The following ZC3H18 variants were observed in gnomAD, a reference collection of about 807,000 sequenced individuals.
ZC3H18 encodes the protein zinc finger CCCH-type containing 18.
ZC3H18 carries 8 observed loss-of-function variants against 106.1 expected under a neutral mutation model. The ratio of observed to expected loss-of-function variants is 0.08; its 90% CI spans 0.04 to 0.14. The LOEUF is 0.14. ZC3H18 is among the 10% of genes least tolerant of loss of function. The pLI is 1.00. For missense variants in ZC3H18, 1,318 were observed against 1,278.4 expected (o/e 1.03, Z -0.47); for synonymous variants, 635 against 522.1 (o/e 1.22, Z -2.95).
intron 8 of ZC3H18, among the ~76,000 whole-genome samples, chr16:88,612,551 C>G (rs369442057): frequency 2.9e-4 from 44 of 151,226 alleles, no homozygotes; most frequent in East Asian, 9.7e-4. Context: ...GTGGCATGAG[C>G]CTGTGGTCCC....
At position 88,612,521 on chromosome 16, in the gene ZC3H18, T is replaced by C. The variant is rs1380815201; in HGVS notation, c.1475+985T>C. ...TCTATTTAAAAAAAAAAAAAAAAAATTAAAAATTAGCTGGGGGAGGTGGCA... is the reference window on the plus strand; with the variant it reads ...TCTATTTAAAAAAAAAAAAAAAAAACTAAAAATTAGCTGGGGGAGGTGGCA... On this transcript the variant is annotated intron_variant, in intron 8 of 17. Transcript: ENST00000301011. 2.1e-5 allele frequency among the ~76,000 whole-genome samples: 3 copies of C among 143,518 alleles called. No homozygotes were observed. In the East Asian group the frequency reaches 6.0e-4, roughly 29 times the overall value. 94.2% of individuals were successfully genotyped at this position (143,518 alleles called of 152,430 possible). A position where few individuals can be genotyped will look rare whatever the true frequency, so the allele number is the denominator to read the frequency against.
At chr16:88,630,430 C>T (rs1166639522) in intron 16 of ZC3H18, 55 bp from the exon 17 acceptor site, 2 of 1,482,074 alleles carry the variant, frequency 1.3e-6, no homozygotes, top group Non-Finnish European at 1.9e-6. Flanking sequence ...AGGCCACCCA[C>T]ACAGCCATTC....
rs571656868 is a variant in ZC3H18 at position 88,601,104 on chromosome 16, C to T, written c.1088+1156C>T. Among the ~76,000 whole-genome samples the T allele has an allele frequency of 1.1e-4, 16 of 152,376 alleles. No homozygotes were observed. In the East Asian group the frequency reaches 2.3e-3, roughly 22 times the overall value. On this transcript the variant is annotated intron_variant, in intron 6 of 17. Transcript: ENST00000301011. ...CGCGAGCAGGCTACCCTGGGCTTTC[C>T]GCCTGCGGAAGTTGGGGGAGGAAGC...
intron 1 of ZC3H18, among the ~76,000 whole-genome samples, chr16:88,574,093 C>G (rs922166157): frequency 6.6e-6 from 1 of 152,046 alleles, no homozygotes. Context: ...CGGGCTTGTC[C>G]TGAACTCCTG....
chr16:88,581,195 TCTCA>T (rs1294539939), intron 2 of ZC3H18, among the ~76,000 whole-genome samples: 1 of 152,234 alleles, frequency 6.6e-6, no homozygotes. Flanking sequence ...ACAGATGGGG[TCTCA>T]CTATGTTGCC....
Position 88,631,663 on chromosome 16 carries a change from G to A in ZC3H18, c.*364G>A, listed in dbSNP as rs1434116328. 4 of 470,306 alleles carry A rather than the reference G, an allele frequency of 8.5e-6. No individual in the cohort carries two copies. In the East Asian group the frequency reaches 2.6e-4, roughly 30 times the overall value. 29.1% of individuals were successfully genotyped at this position (470,306 alleles called of 1,614,324 possible). A position where few individuals can be genotyped will look rare whatever the true frequency, so the allele number is the denominator to read the frequency against. ...GCTCTGGGTCCCTAGCCCGGGTCCA[G>A]GCAGCCAGGCTCCCTCCTGAGCTGA... On this transcript the variant is annotated 3_prime_UTR_variant, in exon 18 of 18. Coordinates refer to ENST00000301011, the MANE Select transcript of ZC3H18 (RefSeq NM_144604.4).
At chr16:88,589,983 T>C (rs1416963851) in intron 3 of ZC3H18, among the ~76,000 whole-genome samples, 1 of 152,228 alleles carries the variant, frequency 6.6e-6, no homozygotes, top group Non-Finnish European at 1.5e-5. Flanking sequence ...AAAATTCTTT[T>C]CTTAGAAAAA....
At chr16:88,626,853 A>G (rs895423501) in intron 13 of ZC3H18, among the ~76,000 whole-genome samples, 1 of 152,216 alleles carries the variant, frequency 6.6e-6, no homozygotes, top group Non-Finnish European at 1.5e-5. Context: ...AGTGCACGCC[A>G]GTGAAGCTAC....
intron 2 of ZC3H18, 25 bp downstream of exon 2, chr16:88,577,751 G>T (rs747930335): frequency 6.2e-7 from 1 of 1,612,414 alleles, no homozygotes; most frequent in South Asian, 1.1e-5. Flanking sequence ...GCAGAGCGTC[G>T]CGGGGCATCC....
intron 2 of ZC3H18, among the ~76,000 whole-genome samples, chr16:88,580,670 G>A (rs1040189091): frequency 2.6e-5 from 4 of 152,164 alleles, no homozygotes; most frequent in African/African-American, 4.8e-5. Flanking sequence ...CCTGCCCCGC[G>A]CCCTGCTCCC....
chr16:88,631,162 G>A lies in ZC3H18; in HGVS notation c.2725G>A (p.Ala909Thr). Reference sequence around the variant, plus strand: ...CAAGGTCACGAGCGTGCCCGGCAAAGCCTCGGATCCCGGCGCCGCCAGCAC... The same window carrying A: ...CAAGGTCACGAGCGTGCCCGGCAAAACCTCGGATCCCGGCGCCGCCAGCAC... The part of the protein sequence containing the change: ...SSKVTSVPGK[A>T]SDPGAASTKS... Residue 909 changes from alanine (A) to threonine (T), a missense_variant, in exon 18 of 18, where the codon GCC (alanine) becomes ACC (threonine). Around this residue, in one of 6 missense-constraint regions of ZC3H18, gnomAD observed 848 missense variants for 821.7 expected, o/e 1.03. Coordinates refer to ENST00000301011, the MANE Select transcript of ZC3H18 (RefSeq NM_144604.4). The A allele has an allele frequency of 6.2e-7, 1 of 1,613,580 alleles. No homozygotes were observed. The highest frequency in any genetic ancestry group is 8.5e-7 in the Non-Finnish European group (1 of 1,180,028).
At chr16:88,612,988 G>T (rs1025964503) in intron 8 of ZC3H18, among the ~76,000 whole-genome samples, 1 of 152,130 alleles carries the variant, frequency 6.6e-6, no homozygotes, top group African/African-American at 2.4e-5. Context: ...GGGTAATAGA[G>T]CAAGATTCTG....
In ZC3H18 at chr16:88,630,178, C is replaced by T. The variant is rs1418670532; in HGVS notation, c.2567-307C>T. On this transcript the variant is annotated intron_variant, in intron 16 of 17. Coordinates refer to ENST00000301011, the MANE Select transcript of ZC3H18 (RefSeq NM_144604.4). ...TACTGCCATGTCTTTCTTGTTGTTC[C>T]GTATTTGAAGACCCATGTGATAAAT... is the stretch of plus-strand genomic sequence containing the variant. 4.1e-5 allele frequency: 14 copies of T among 338,688 alleles called. 1 individual carries two copies. Among genetic ancestry groups the T allele is most frequent in the Middle Eastern group, 8.4e-4 (1 of 1,186 alleles). The allele number at this position is 338,688 out of a possible 1,614,324, so 21.0% of individuals were successfully genotyped here.
rs1009251443 is a variant in ZC3H18, at chr16:88,570,441, C to A, written c.-140C>A. On this transcript the variant is annotated 5_prime_UTR_variant, in exon 1 of 18. Transcript: ENST00000301011. ...GGCCGGCCCCCGCGGGTAGTGGAGC[C>A]CGTTTGTTCCGCCCGTGTCGAGCCT... 6.6e-6 allele frequency: 1 copy of A among 152,048 alleles called. No homozygotes were observed. The highest frequency in any genetic ancestry group is 1.5e-5 in the Non-Finnish European group (1 of 67,988). The allele number at this position is 152,048 out of a possible 1,614,324, so 9.4% of individuals were successfully genotyped here.
intron 6 of ZC3H18, among the ~76,000 whole-genome samples, chr16:88,606,422 A>G (rs1222707737): frequency 2.0e-5 from 3 of 152,238 alleles, no homozygotes; most frequent in African/African-American, 7.2e-5. Flanking sequence ...CACGACTTCC[A>G]GAAAGCCTGC....
chr16:88,591,892 G>C (rs1331355795), intron 3 of ZC3H18, among the ~76,000 whole-genome samples: 2 of 152,246 alleles, frequency 1.3e-5, no homozygotes, highest in Non-Finnish European at 2.9e-5. Flanking sequence ...TGATGACCTG[G>C]TGGTTGTGTG....
At chr16:88,595,613 C>T (rs1280324486) in intron 3 of ZC3H18, among the ~76,000 whole-genome samples, 1 of 151,252 alleles carries the variant, frequency 6.6e-6, no homozygotes. Flanking sequence ...TTGAGACCAG[C>T]CTGGCTAACA....
At chr16:88,595,792 C>T (rs973289964) in intron 3 of ZC3H18, among the ~76,000 whole-genome samples, 6 of 134,484 alleles carry the variant, frequency 4.5e-5, no homozygotes, top group African/African-American at 1.4e-4. Context: ...GGCAACAGAG[C>T]GAGACTCCAT....
chr16:88,630,941 C>G (rs1425100329), intron 17 of ZC3H18, among the ~76,000 whole-genome samples, 160 bp from the exon 18 acceptor site: 2 of 152,240 alleles, frequency 1.3e-5, no homozygotes, highest in African/African-American at 2.4e-5. Context: ...TGGCTAGGAC[C>G]AGGCCTGCTT....
Sources: allele counts gnomAD v4.1 joint callset (sites outside exome capture counted in the v4.1 genomes callset), GRCh38; gene constraint gnomAD v4.1.1; regional missense constraint gnomAD v4.1.1; transcripts MANE v1.5; gene names NCBI Gene and HGNC (gene_info 2026-07-23, HGNC 2026-07-21).